ADAM10: variants seen among roughly 807,000 people sequenced by gnomAD.
ADAM10 encodes disintegrin and metalloproteinase domain-containing protein 10.
ADAM10 carries 17 observed loss-of-function variants against 90.1 expected under a neutral mutation model. The ratio of observed to expected loss-of-function variants is 0.19; its 90% CI spans 0.13 to 0.28. The LOEUF (loss-of-function observed/expected upper bound fraction) is 0.28. ADAM10 is among the 10% of genes least tolerant of loss of function. The probability of loss-of-function intolerance (pLI) is 1.00; values close to 1 mark genes in which losing one functional copy is unlikely to be tolerated. For missense variants in ADAM10, 610 were observed against 914.3 expected, an observed-to-expected ratio of 0.67 and a Z score of 4.29; for synonymous variants, 310 against 298.6, an observed-to-expected ratio of 1.04 and a Z score of -0.40.
At position 58,592,905 on chromosome 15, in the gene ADAM10, T is replaced by G. The variant is rs1288924089; in HGVS notation, c.*4642A>C. The G allele has an allele frequency of 6.6e-6, 1 of 150,902 alleles. No homozygotes were observed. Among genetic ancestry groups the G allele is most frequent in the Non-Finnish European group, 1.5e-5 (1 of 67,762 alleles). 9.3% of individuals were successfully genotyped at this position (150,902 alleles called of 1,614,324 possible). A position where few individuals can be genotyped will look rare whatever the true frequency, so the allele number is the denominator to read the frequency against. On this transcript the variant is annotated 3_prime_UTR_variant, in exon 16 of 16. Transcript: ENST00000260408. ...AATTTCATTATTAGGCTGAGGATTTTCCTAAGAATTGTTTAAAATTCTTTA... is the reference window on the plus strand; with the variant it reads ...AATTTCATTATTAGGCTGAGGATTTGCCTAAGAATTGTTTAAAATTCTTTA...
intron 10 of ADAM10, among the ~76,000 whole-genome samples, chr15:58,622,653 T>C (rs1447480974): frequency 6.6e-6 from 1 of 152,212 alleles, no homozygotes; most frequent in African/African-American, 2.4e-5. Context: ...CAGACCTTAA[T>C]GGTATTGAGC....
chr15:58,637,949 A>T (rs1387641069), intron 8 of ADAM10, among the ~76,000 whole-genome samples: 1 of 152,164 alleles, frequency 6.6e-6, no homozygotes, highest in Non-Finnish European at 1.5e-5. Context: ...AAAAAAAAAA[A>T]TGTCAAATAT....
chr15:58,741,212 T>G (rs1383677598), intron 1 of ADAM10, among the ~76,000 whole-genome samples: 2 of 152,166 alleles, frequency 1.3e-5, no homozygotes, highest in African/African-American at 4.8e-5. Flanking sequence ...TTGCCTAAAA[T>G]GCAAAGATCG....
intron 2 of ADAM10, among the ~76,000 whole-genome samples, chr15:58,698,575 C>CAAA (rs138309518): frequency 8.7e-6 from 1 of 115,590 alleles, no homozygotes; most frequent in African/African-American, 3.2e-5. Flanking sequence ...GACCTTGTCT[C>CAAA]AAAAAAAAAA....
At chr15:58,598,385 C>T (rs1895014874) in intron 15 of ADAM10, among the ~76,000 whole-genome samples, 1 of 152,192 alleles carries the variant, frequency 6.6e-6, no homozygotes, top group African/African-American at 2.4e-5. Context: ...AGAGTGCTAA[C>T]TAACATTGTG....
At chr15:58,688,455 C>A (rs200167339) in intron 2 of ADAM10, among the ~76,000 whole-genome samples, 7 of 141,744 alleles carry the variant, frequency 4.9e-5, no homozygotes, top group African/African-American at 1.4e-4. Context: ...TTAAAAAAAA[C>A]AAGGGGTAAA....
intron 9 of ADAM10, among the ~76,000 whole-genome samples, chr15:58,628,923 C>CTT (rs1474633234): frequency 3.3e-5 from 5 of 152,164 alleles, no homozygotes; most frequent in Admixed American, 1.3e-4. Flanking sequence ...CTACTATCAC[C>CTT]TTTATTCTTC....
chr15:58,598,367 T>C (rs1255265434), intron 15 of ADAM10, among the ~76,000 whole-genome samples: 1 of 152,196 alleles, frequency 6.6e-6, no homozygotes, highest in East Asian at 1.9e-4. Context: ...AATACTAACA[T>C]AAGTTCCAGA....
intron 1 of ADAM10, among the ~76,000 whole-genome samples, chr15:58,718,861 C>T (rs184422951): frequency 6.6e-6 from 1 of 152,120 alleles, no homozygotes; most frequent in Non-Finnish European, 1.5e-5. Flanking sequence ...CTCCCCTGAC[C>T]CTCAGCTTCA....
chr15:58,630,742 A>T (rs538020521), intron 9 of ADAM10, among the ~76,000 whole-genome samples: 1 of 152,346 alleles, frequency 6.6e-6, no homozygotes, highest in East Asian at 1.9e-4. Context: ...AACGTATAAG[A>T]GAGAAAGAGA....
intron 8 of ADAM10, among the ~76,000 whole-genome samples, chr15:58,638,470 C>T (rs538490247): frequency 6.6e-6 from 1 of 151,930 alleles, no homozygotes; most frequent in African/African-American, 2.4e-5. Flanking sequence ...AAAAAATTAG[C>T]CACGCATGGT....
chr15:58,680,952 A>C (rs1354375718), intron 3 of ADAM10, among the ~76,000 whole-genome samples: 2 of 152,020 alleles, frequency 1.3e-5, no homozygotes, highest in African/African-American at 4.8e-5. Context: ...CATCTAACTG[A>C]AACTACAGGT....
intron 2 of ADAM10, among the ~76,000 whole-genome samples, chr15:58,705,259 T>C (rs1898246145): frequency 1.3e-5 from 2 of 152,192 alleles, no homozygotes; most frequent in African/African-American, 2.4e-5. Context: ...ATGTCCTGTA[T>C]AAAGAACATT....
At chr15:58,685,318 G>A (rs987131867) in intron 2 of ADAM10, among the ~76,000 whole-genome samples, 7 of 150,826 alleles carry the variant, frequency 4.6e-5, no homozygotes, top group African/African-American at 1.5e-4. Flanking sequence ...AAAATTAGCC[G>A]GGCGTGGTGA....
chr15:58,610,848 A>C (rs1479195330), intron 13 of ADAM10, 151 bp downstream of exon 13: 1 of 694,994 alleles, frequency 1.4e-6, no homozygotes, highest in African/African-American at 1.8e-5. Flanking sequence ...ATAGAGACAC[A>C]ATGCTACGTT....
chr15:58,649,749 G>A (rs1896639785), intron 5 of ADAM10, among the ~76,000 whole-genome samples: 2 of 152,150 alleles, frequency 1.3e-5, no homozygotes. Context: ...CTCAAATAAT[G>A]TGCTATGGTA....
At chr15:58,653,310 G>A (rs1217044609) in intron 5 of ADAM10, among the ~76,000 whole-genome samples, 1 of 152,084 alleles carries the variant, frequency 6.6e-6, no homozygotes, top group Non-Finnish European at 1.5e-5. Context: ...TTAGAAAAAA[G>A]GCTTTCAGGT....
intron 4 of ADAM10, among the ~76,000 whole-genome samples, chr15:58,677,600 T>C (rs922661638): frequency 1.6e-4 from 25 of 151,924 alleles, no homozygotes; most frequent in African/African-American, 6.0e-4. Flanking sequence ...AGAGGCACAA[T>C]AACAGAAGTC....
At chr15:58,647,467 T>C (rs1447190384) in intron 5 of ADAM10, among the ~76,000 whole-genome samples, 1 of 151,764 alleles carries the variant, frequency 6.6e-6, no homozygotes, top group Non-Finnish European at 1.5e-5. Flanking sequence ...GTTTTCACCA[T>C]GTTAGCCAAG....
Sources: gnomAD v4.1 joint callset for allele counts (sites outside exome capture counted in the v4.1 genomes callset) on GRCh38, gnomAD v4.1.1 for gene constraint, MANE v1.5 for transcripts, NCBI Gene and HGNC (gene_info 2026-07-23, HGNC 2026-07-21) for gene names.